Variants in AKAP19 observed in about 807,000 individuals in gnomAD.
The protein encoded by AKAP19 is A-kinase anchoring protein 19.
chr2:190,078,152 G>T, the AKAP19 span, among the ~76,000 whole-genome samples: 4 of 152,146 alleles, frequency 2.6e-5, no homozygotes, highest in Admixed American at 1.3e-4. Flanking sequence ...TCCAATTACT[G>T]ATCTGTTTCC....
At chr2:190,192,891 AT>A in the AKAP19 span, among the ~76,000 whole-genome samples, 3 of 151,806 alleles carry the variant, frequency 2.0e-5, no homozygotes, top group African/African-American at 4.8e-5. Flanking sequence ...ATTCCAGTAA[AT>A]TTTTTTTGGG....
chr2:189,994,581 ATTATTATTATTG>A, the AKAP19 span, among the ~76,000 whole-genome samples: 1 of 151,410 alleles, frequency 6.6e-6, no homozygotes, highest in Non-Finnish European at 1.5e-5. Flanking sequence ...GGAGCAGATT[ATTATTATTATTG>A]TTATTATTAT....
At chr2:189,959,448 A>AT in the AKAP19 span, among the ~76,000 whole-genome samples, 18 of 151,982 alleles carry the variant, frequency 1.2e-4, no homozygotes, top group Admixed American at 2.6e-4. Context: ...ATGTACACTG[A>AT]TTTTTTTTCA....
At chr2:189,939,349 T>C in the AKAP19 span, among the ~76,000 whole-genome samples, 1 of 152,180 alleles carries the variant, frequency 6.6e-6, no homozygotes, top group South Asian at 2.1e-4. Flanking sequence ...GATTGTTTAC[T>C]AGAAATGAGG....
chr2:190,109,072 A>G, the AKAP19 span, among the ~76,000 whole-genome samples: 1 of 152,140 alleles, frequency 6.6e-6, no homozygotes, highest in Non-Finnish European at 1.5e-5. Flanking sequence ...CTGTGATATT[A>G]TATTTTCTAC....
chr2:190,193,212 G>A, the AKAP19 span, among the ~76,000 whole-genome samples: 3 of 151,586 alleles, frequency 2.0e-5, 1 homozygote. Flanking sequence ...TTCTACTGAG[G>A]TGATCATCTG....
At chr2:190,077,647 T>A in the AKAP19 span, among the ~76,000 whole-genome samples, 1 of 152,172 alleles carries the variant, frequency 6.6e-6, no homozygotes, top group East Asian at 1.9e-4. Flanking sequence ...CTATTGACTG[T>A]TTTTTCCCCT....
At chr2:190,168,605 C>T in the AKAP19 span, among the ~76,000 whole-genome samples, 1 of 152,198 alleles carries the variant, frequency 6.6e-6, no homozygotes, top group Non-Finnish European at 1.5e-5. Context: ...CCTTTAACAG[C>T]ACCCAAGTCA....
the AKAP19 span, among the ~76,000 whole-genome samples, chr2:189,996,923 G>T: frequency 2.6e-5 from 4 of 152,182 alleles, no homozygotes; most frequent in African/African-American, 9.7e-5. Context: ...GGGAATGTCT[G>T]CAGAGACTCC....
chr2:189,955,442 T>G, the AKAP19 span, among the ~76,000 whole-genome samples: 1 of 152,196 alleles, frequency 6.6e-6, no homozygotes, highest in East Asian at 1.9e-4. Flanking sequence ...GTACAGATTT[T>G]TTTGATACAA....
the AKAP19 span, among the ~76,000 whole-genome samples, chr2:190,132,788 A>T: frequency 2.0e-5 from 3 of 152,172 alleles, no homozygotes; most frequent in Non-Finnish European, 2.9e-5. Flanking sequence ...AACAAATGAG[A>T]TTACATCAAA....
the AKAP19 span, among the ~76,000 whole-genome samples, chr2:190,110,640 C>T: frequency 6.6e-6 from 1 of 152,114 alleles, no homozygotes; most frequent in East Asian, 1.9e-4. Flanking sequence ...TTATTTCCTA[C>T]TCTTACATAG....
the AKAP19 span, among the ~76,000 whole-genome samples, chr2:190,031,540 T>C: frequency 9.0e-6 from 1 of 110,734 alleles, no homozygotes; most frequent in Non-Finnish European, 1.8e-5. Flanking sequence ...CTAGAGTCAA[T>C]ATAGAAATTA....
At chr2:190,182,810 A>G in the AKAP19 span, among the ~76,000 whole-genome samples, 1 of 152,258 alleles carries the variant, frequency 6.6e-6, no homozygotes, top group African/African-American at 2.4e-5. Context: ...CTGTCAAGCA[A>G]AGGAGACAAA....
the AKAP19 span, among the ~76,000 whole-genome samples, chr2:190,032,328 T>C: frequency 1.3e-5 from 2 of 152,158 alleles, 1 homozygote; most frequent in African/African-American, 4.8e-5. Flanking sequence ...CCTCAGGGAA[T>C]TGGTAATTTG....
the AKAP19 span, among the ~76,000 whole-genome samples, chr2:190,192,452 C>CTGTGTGTGTG: frequency 0.012 from 1,681 of 145,330 alleles, 23 homozygotes; most frequent in African/African-American, 0.021. Context: ...AATTCAGAAT[C>CTGTGTGTGTG]TGTGTGTGTG....
At chr2:189,912,690 ATCAG>A in the AKAP19 span, among the ~76,000 whole-genome samples, 1 of 152,220 alleles carries the variant, frequency 6.6e-6, no homozygotes, top group Non-Finnish European at 1.5e-5. Context: ...TAATTTATGA[ATCAG>A]TCAGTCACAT....
chr2:190,129,081 A>G, the AKAP19 span, among the ~76,000 whole-genome samples: 2 of 152,308 alleles, frequency 1.3e-5, no homozygotes, highest in Admixed American at 1.3e-4. Context: ...GTTTCTTAGA[A>G]TTCAGCACAT....
At chr2:190,197,759 CTGGTTTTGGCAA>C in the AKAP19 span, among the ~76,000 whole-genome samples, 1 of 152,182 alleles carries the variant, frequency 6.6e-6, no homozygotes, top group East Asian at 1.9e-4. This position sits in a 1 kb window ranked among gnomAD's most constrained non-coding sequence, Gnocchi z 4.0. Flanking sequence ...GGTTTTAAAA[CTGGTTTTGGCAA>C]ATGCACAAAT....
Sources: gnomAD v4.1 joint callset for allele counts (sites outside exome capture counted in the v4.1 genomes callset) on GRCh38, gnomAD v4.1.1 for gene constraint, Gnocchi (gnomAD v3.1) non-coding constraint, MANE v1.5 for transcripts, NCBI Gene and HGNC (gene_info 2026-07-23, HGNC 2026-07-21) for gene names.